The following RNF6 variants were observed in gnomAD, a reference collection of about 807,000 sequenced individuals.
RNF6 encodes the protein ring finger protein 6.
RNF6 carries 21 observed loss-of-function variants against 50.1 expected under a neutral mutation model. The observed-to-expected ratio is 0.42, with a 90% CI of 0.30 to 0.60. The LOEUF is 0.60. Ranked by LOEUF, RNF6 falls within the 20% of genes least tolerant of loss-of-function variation. RNF6 has a pLI of 0.20. For missense variants in RNF6, 698 were observed against 838.2 expected (o/e 0.83, Z 2.07); for synonymous variants, 255 against 291.8 (o/e 0.87, Z 1.29).
intron 5 of RNF6, among the ~76,000 whole-genome samples, chr13:26,184,815 C>T (rs1184991788): frequency 6.6e-6 from 1 of 152,094 alleles, no homozygotes; most frequent in Non-Finnish European, 1.5e-5. Flanking sequence ...ACTGTGCAGG[C>T]CACAAAGGAT....
At chr13:26,179,354 C>A (rs1417023397) in intron 5 of RNF6, among the ~76,000 whole-genome samples, 1 of 151,608 alleles carries the variant, frequency 6.6e-6, no homozygotes, top group African/African-American at 2.4e-5. Context: ...GCAAGCCAGT[C>A]TCCCAAGGAT....
intron 5 of RNF6, among the ~76,000 whole-genome samples, chr13:26,189,560 GCC>G (rs1345254367): frequency 6.6e-6 from 1 of 152,166 alleles, no homozygotes; most frequent in Non-Finnish European, 1.5e-5. Context: ...AAGGCAGTTT[GCC>G]CCAATCTTAA....
intron 5 of RNF6, among the ~76,000 whole-genome samples, chr13:26,184,850 C>A (rs1482806828): frequency 6.6e-6 from 1 of 152,182 alleles, no homozygotes; most frequent in African/African-American, 2.4e-5. Context: ...CTGCAGAAGG[C>A]AGGCGATCCA....
chr13:26,189,025 A>G (rs1478823764), intron 5 of RNF6, among the ~76,000 whole-genome samples: 1 of 152,090 alleles, frequency 6.6e-6, no homozygotes, highest in African/African-American at 2.4e-5. Context: ...TAAATGTAAG[A>G]TAGAATCAAA....
At chr13:26,139,488 C>T (rs1481630286) in intron 5 of RNF6, among the ~76,000 whole-genome samples, 1 of 152,134 alleles carries the variant, frequency 6.6e-6, no homozygotes, top group Non-Finnish European at 1.5e-5. Flanking sequence ...GTAGCATTGA[C>T]CACCCTGTGT....
rs528290234 is a variant in RNF6 at position 26,146,031 on chromosome 13, G to A, written n.769-13580C>T. Reference sequence around the variant, plus strand: ...ACCTCTATAAACCCCTACTTTAACTGGTAGACCACAGTGACATTTTGGGTC... The same window carrying A: ...ACCTCTATAAACCCCTACTTTAACTAGTAGACCACAGTGACATTTTGGGTC... On this transcript the variant is annotated intron_variant and non_coding_transcript_variant, in intron 5 of 5. Coordinates refer to the RNF6 transcript ENST00000468480. Among the ~76,000 whole-genome samples, 4 of 152,258 alleles carry A rather than the reference G, an allele frequency of 2.6e-5. No individual in the cohort carries two copies. The South Asian group carries it at 8.3e-4, about 32-fold the overall frequency.
intron 5 of RNF6, among the ~76,000 whole-genome samples, chr13:26,138,971 T>G (rs902772696): frequency 6.6e-6 from 1 of 152,212 alleles, no homozygotes; most frequent in African/African-American, 2.4e-5. Context: ...GTAAGCGCCT[T>G]GATTATTCTT....
At chr13:26,171,574 G>T (rs1363116670) in intron 5 of RNF6, among the ~76,000 whole-genome samples, 2 of 152,118 alleles carry the variant, frequency 1.3e-5, no homozygotes, top group Non-Finnish European at 1.5e-5. Flanking sequence ...TAAAAGCAGG[G>T]ATTCAAACAG....
intron 5 of RNF6, among the ~76,000 whole-genome samples, chr13:26,142,996 T>A (rs1871039964): frequency 6.6e-6 from 1 of 151,948 alleles, no homozygotes; most frequent in African/African-American, 2.4e-5. Context: ...AAAGAGGAAA[T>A]ACTCATGATA....
At chr13:26,142,152 G>T (rs762443462) in intron 5 of RNF6, among the ~76,000 whole-genome samples, 4 of 152,076 alleles carry the variant, frequency 2.6e-5, no homozygotes, top group African/African-American at 7.2e-5. Flanking sequence ...AATGATCAGA[G>T]AAATACAAAT....
At chr13:26,139,661 A>G (rs1870833888) in intron 5 of RNF6, among the ~76,000 whole-genome samples, 1 of 151,974 alleles carries the variant, frequency 6.6e-6, no homozygotes, top group African/African-American at 2.4e-5. Context: ...TATAATATTG[A>G]CTCTTCCTGT....
Position 26,214,911 on chromosome 13 carries a change from T to C in RNF6, c.971A>G (p.His324Arg), listed in dbSNP as rs1157239906. The C allele has an allele frequency of 1.9e-6, 3 of 1,614,142 alleles. No homozygotes were observed. The highest frequency in any genetic ancestry group is 1.3e-5 in the African/African-American group (1 of 74,944). ...TGGTCTACTTTCCCTTTGGGAATTATGATAAACAGTGCCACTCTGTCTCTG... is the reference window on the plus strand; with the variant it reads ...TGGTCTACTTTCCCTTTGGGAATTACGATAAACAGTGCCACTCTGTCTCTG... ...PIQRQSGTVY[H>R]NSQRESRPVQ... Residue 324 changes from histidine to arginine, a missense_variant, in exon 5 of 5, where the codon CAT (histidine) becomes CGT (arginine). Physicochemically the swap from His to Arg is conservative, Grantham distance 29. Coordinates refer to ENST00000381588, the MANE Select transcript of RNF6 (RefSeq NM_005977.4).
chr13:26,160,399 T>A (rs1457111360), intron 5 of RNF6, among the ~76,000 whole-genome samples: 2 of 152,162 alleles, frequency 1.3e-5, no homozygotes, highest in African/African-American at 4.8e-5. Flanking sequence ...ACCTATTTTT[T>A]TTATTTAAGA....
chr13:26,214,413 CCA>C lies in RNF6; in HGVS notation c.1467_1468del (p.Gly490ValfsTer13), dbSNP rs1869606213. The C allele has an allele frequency of 6.2e-7, 1 of 1,613,956 alleles. No homozygotes were observed. Among genetic ancestry groups the C allele is most frequent in the Non-Finnish European group, 8.5e-7 (1 of 1,180,028 alleles). The stretch of plus-strand genomic sequence containing the variant: ...CATTAGAGAACTCAGTTCTCCAAAC[CCA>C]GTCATGATCTGCCTTAAAATTGACC... On this transcript the variant is annotated frameshift_variant, in exon 5 of 5. Coordinates refer to ENST00000381588, the MANE Select transcript of RNF6 (RefSeq NM_005977.4). LOFTEE classifies it high-confidence loss of function.
intron 5 of RNF6, among the ~76,000 whole-genome samples, chr13:26,195,594 C>A (rs1868629283): frequency 6.6e-6 from 1 of 152,132 alleles, no homozygotes; most frequent in Non-Finnish European, 1.5e-5. Flanking sequence ...TACACCTGGG[C>A]ATATCATTTT....
chr13:26,207,259 G>A lies in RNF6; in HGVS notation n.768+8215C>T, dbSNP rs187809554. 8.7e-4 allele frequency among the ~76,000 whole-genome samples: 133 copies of A among 152,022 alleles called. 1 individual carries two copies. Among genetic ancestry groups the A allele is most frequent in the African/African-American group, 3.1e-3 (129 of 41,494 alleles). ...AAAAAAAAAGTATGAAAGGCAAGAT[G>A]AGATACCCTGCGAGGGATCCTAAAT... On this transcript the variant is annotated intron_variant and non_coding_transcript_variant, in intron 5 of 5. Transcript: ENST00000468480.
intron 5 of RNF6, chr13:26,153,931 A>G (rs1400988947): frequency 6.6e-6 from 1 of 152,210 alleles, no homozygotes; most frequent in East Asian, 1.9e-4. Context: ...TACTGTAAGA[A>G]AAGAATTCTC....
intron 5 of RNF6, chr13:26,154,043 A>G (rs1325139453): frequency 1.3e-5 from 2 of 152,250 alleles, no homozygotes; most frequent in African/African-American, 4.8e-5. Context: ...CTCTTTAAGA[A>G]TCCTAATCTA....
intron 4 of RNF6, 151 bp from the exon 5 acceptor site, chr13:26,215,743 A>G: frequency 1.6e-6 from 1 of 645,118 alleles, no homozygotes; most frequent in Non-Finnish European, 2.5e-6. Flanking sequence ...CAACTTTCTA[A>G]AAGAAAAGTA....
Sources: allele counts gnomAD v4.1 joint callset (sites outside exome capture counted in the v4.1 genomes callset), GRCh38; gene constraint gnomAD v4.1.1; transcripts MANE v1.5; gene names NCBI Gene and HGNC (gene_info 2026-07-23, HGNC 2026-07-21).